The following P2RX1 variants were observed in gnomAD, a reference collection of about 807,000 sequenced individuals.
The protein encoded by P2RX1 is P2X purinoceptor 1.
A neutral mutation model predicts 50.3 loss-of-function variants in P2RX1; 42 were observed. The observed-to-expected ratio is 0.83, with a 90% confidence interval of 0.65 to 1.08. The LOEUF (loss-of-function observed/expected upper bound fraction) is 1.08, where lower values mean the gene tolerates loss of function less well. Ranked by LOEUF, P2RX1 falls within the 50% of genes least tolerant of loss-of-function variation. The probability of loss-of-function intolerance (pLI) is 0.00; values close to 1 mark genes in which losing one functional copy is unlikely to be tolerated. For missense variants in P2RX1, 449 were observed against 529.0 expected (o/e 0.85, Z 1.48); for synonymous variants, 199 against 202.6 (o/e 0.98, Z 0.15).
At chr17:3,909,970 CT>C (rs751349796) in intron 1 of P2RX1, among the ~76,000 whole-genome samples, 2,069 of 107,418 alleles carry the variant, frequency 0.019, 14 homozygotes, top group African/African-American at 0.057. Context: ...CTGATAAATT[CT>C]TTTTTTTTTT....
At position 3,914,950 on chromosome 17, in the gene P2RX1, A is replaced by T. The variant is rs1468814324; in HGVS notation, c.137+1139T>A. ...CTCTGAGGTTCTGGGGACTGGTGGG[A>T]CAGAAGGAGGGCTCTTTTGGACGCC... On this transcript the variant is annotated intron_variant, in intron 1 of 11. Transcript: ENST00000225538. This position sits in a 1 kb window ranked among gnomAD's most constrained non-coding sequence, Gnocchi z 4.1. Among the ~76,000 whole-genome samples, 1 of 151,942 alleles carries T rather than the reference A, an allele frequency of 6.6e-6. No homozygotes were observed. Among genetic ancestry groups the T allele is most frequent in the Non-Finnish European group, 1.5e-5 (1 of 67,984 alleles).
chr17:3,913,279 C>G (rs1253833743), intron 1 of P2RX1, among the ~76,000 whole-genome samples: 1 of 152,060 alleles, frequency 6.6e-6, no homozygotes, highest in African/African-American at 2.4e-5. Context: ...GCGTGCACCA[C>G]CACACCCAGC....
intron 1 of P2RX1, among the ~76,000 whole-genome samples, chr17:3,913,865 G>GT (rs1216194019): frequency 6.6e-6 from 1 of 152,078 alleles, no homozygotes; most frequent in African/African-American, 2.4e-5. Context: ...ACTCTTGGGG[G>GT]GGGTGGTCCC....
chr17:3,915,707 G>A, intron 1 of P2RX1: 1 of 473,424 alleles, frequency 2.1e-6, no homozygotes, highest in Middle Eastern at 3.2e-4. Flanking sequence ...CGGGTGTGGG[G>A]TATGGCCTCT....
intron 3 of P2RX1, 190 bp downstream of exon 3, chr17:3,904,668 G>A: frequency 3.1e-6 from 2 of 635,928 alleles, no homozygotes; most frequent in South Asian, 1.8e-5. Context: ...GGTACACCGT[G>A]TGCTGGGCGG....
At chr17:3,904,648 C>T in intron 3 of P2RX1, 1 of 627,260 alleles carries the variant, frequency 1.6e-6, no homozygotes. Flanking sequence ...GAAGTCTCGG[C>T]ACCCTGCCTG....
At chr17:3,911,097 C>G (rs1317887226) in intron 1 of P2RX1, among the ~76,000 whole-genome samples, 1 of 152,064 alleles carries the variant, frequency 6.6e-6, no homozygotes, top group African/African-American at 2.4e-5. Flanking sequence ...ATCCTCCCAC[C>G]TCAGCCTCCT....
At position 3,907,290 on chromosome 17, in the gene P2RX1, CGTGTGTGTGT is replaced by C. The variant is rs147411964; in HGVS notation, c.138-1933_138-1924del. Among the ~76,000 whole-genome samples, 9 of 134,432 alleles carry C rather than the reference CGTGTGTGTGT, an allele frequency of 6.7e-5. No homozygotes were observed. In the South Asian group the frequency reaches 7.9e-4, roughly 12 times the overall value. 88.2% of individuals were successfully genotyped at this position (134,432 alleles called of 152,430 possible). A position where few individuals can be genotyped will look rare whatever the true frequency, so the allele number is the denominator to read the frequency against. The stretch of plus-strand genomic sequence containing the variant: ...GACTCTTTTTGGAGATTCAGGGTAA[CGTGTGTGTGT>C]GTGTGTGTGTGTGTGTGTGTGTGTG... On this transcript the variant is annotated intron_variant, in intron 1 of 11. Transcript: ENST00000225538.
At chr17:3,912,420 C>T (rs2056381589) in intron 1 of P2RX1, among the ~76,000 whole-genome samples, 1 of 152,068 alleles carries the variant, frequency 6.6e-6, no homozygotes, top group African/African-American at 2.4e-5. Context: ...CATCTCCGCC[C>T]CCCAAGTTCA....
intron 1 of P2RX1, among the ~76,000 whole-genome samples, chr17:3,910,941 T>A (rs1464475891): frequency 1.3e-5 from 2 of 152,198 alleles, no homozygotes; most frequent in Non-Finnish European, 2.9e-5. Context: ...TGGAATTGAA[T>A]CTCAGGCCAA....
At chr17:3,899,209 C>CTT (rs1268774751) in intron 8 of P2RX1, among the ~76,000 whole-genome samples, 185 bp from the exon 9 acceptor site, 54 of 139,296 alleles carry the variant, frequency 3.9e-4, no homozygotes, top group African/African-American at 1.4e-3. Flanking sequence ...ACTCCTTTTT[C>CTT]TTTTTTTTTT....
In P2RX1 at chr17:3,903,179, G is replaced by C. The variant is rs371813612; in HGVS notation, c.747+23C>G. On this transcript the variant is annotated intron_variant, in intron 7 of 11. Transcript: ENST00000225538. The surrounding 1 kb of genome is among the most constrained non-coding windows in gnomAD (Gnocchi z 4.6). ...GATCCTGCGGCCCAGCCCTCCCCAC[G>C]TGCCTGGCACCATGCTCCATACCTT... 72 of 1,613,692 alleles carry C rather than the reference G, an allele frequency of 4.5e-5. No homozygotes were observed. The Admixed American group carries it at 1.2e-3, about 27-fold the overall frequency.
rs200008719 is a variant in P2RX1 at position 3,912,425 on chromosome 17, A to G, written c.137+3664T>C. Among the ~76,000 whole-genome samples, 25 of 151,958 alleles carry G rather than the reference A, an allele frequency of 1.6e-4. No homozygotes were observed. In the East Asian group the frequency reaches 4.5e-3, roughly 27 times the overall value. On this transcript the variant is annotated intron_variant, in intron 1 of 11. Coordinates refer to ENST00000225538, the MANE Select transcript of P2RX1 (RefSeq NM_002558.4). ...GGCTCACTGCCATCTCCGCCCCCCA[A>G]GTTCAATCGATTCTCCTGCTTCAGC...
At chr17:3,900,716 A>G (rs2143969976) in intron 7 of P2RX1, among the ~76,000 whole-genome samples, 1 of 152,134 alleles carries the variant, frequency 6.6e-6, no homozygotes, top group South Asian at 2.1e-4. Flanking sequence ...TCATAAGTTT[A>G]TTTAGTGTGA....
chr17:3,903,168 G>T lies in P2RX1; in HGVS notation c.747+34C>A, dbSNP rs1401657443. ...GCCTTTATCAGGATCCTGCGGCCCA[G>T]CCCTCCCCACGTGCCTGGCACCATG... On this transcript the variant is annotated intron_variant, in intron 7 of 11. Coordinates refer to ENST00000225538, the MANE Select transcript of P2RX1 (RefSeq NM_002558.4). This position sits in a 1 kb window ranked among gnomAD's most constrained non-coding sequence, Gnocchi z 4.6. 1.2e-6 allele frequency: 2 copies of T among 1,613,552 alleles called. No individual in the cohort carries two copies.
At chr17:3,898,636 C>T (rs1208471481) in intron 9 of P2RX1, 87 bp from the exon 10 acceptor site, 4 of 1,012,688 alleles carry the variant, frequency 3.9e-6, no homozygotes, top group Non-Finnish European at 6.2e-6. Flanking sequence ...GGGACTTCCC[C>T]ACCCTCGGCT....
chr17:3,905,002 GC>G, intron 2 of P2RX1, 73 bp from the exon 3 acceptor site: 1 of 1,241,978 alleles, frequency 8.1e-7, no homozygotes, highest in Non-Finnish European at 1.1e-6. Context: ...CCCCACCGCT[GC>G]CCCAGCAGAG....
chr17:3,907,877 G>A (rs999903843), intron 1 of P2RX1, among the ~76,000 whole-genome samples: 1 of 152,234 alleles, frequency 6.6e-6, no homozygotes, highest in African/African-American at 2.4e-5. Flanking sequence ...CTGATGCAGG[G>A]GGGAGGAGGA....
intron 1 of P2RX1, among the ~76,000 whole-genome samples, chr17:3,907,876 G>A (rs189312884): frequency 1.4e-5 from 2 of 144,524 alleles, no homozygotes; most frequent in East Asian, 3.9e-4. Context: ...GCTGATGCAG[G>A]GGGGAGGAGG....
Sources: gnomAD v4.1 joint callset for allele counts (sites outside exome capture counted in the v4.1 genomes callset) on GRCh38, gnomAD v4.1.1 for gene constraint, Gnocchi (gnomAD v3.1) non-coding constraint, MANE v1.5 for transcripts, NCBI Gene and HGNC (gene_info 2026-07-23, HGNC 2026-07-21) for gene names.